KCNU1: variants seen among roughly 807,000 people sequenced by gnomAD.
KCNU1 encodes potassium calcium-activated channel subfamily U member 1.
KCNU1 carries 93 observed loss-of-function variants against 126.8 expected under a neutral mutation model. The ratio of observed to expected loss-of-function variants is 0.73; its 90% CI spans 0.62 to 0.87. The LOEUF (loss-of-function observed/expected upper bound fraction) is 0.87, where lower values mean the gene tolerates loss of function less well. Ranked by LOEUF, KCNU1 falls within the 40% of genes least tolerant of loss-of-function variation. The probability of loss-of-function intolerance (pLI) is 0.00; values close to 1 mark genes in which losing one functional copy is unlikely to be tolerated. For synonymous variants in KCNU1, 523 were observed against 494.2 expected, an observed-to-expected ratio of 1.06 and a Z score of -0.77; for missense variants, 1,330 against 1,367.1, an observed-to-expected ratio of 0.97 and a Z score of 0.43.
chr8:36,933,103 TG>T, intron 26 of KCNU1, 71 bp downstream of exon 26: 1 of 947,944 alleles, frequency 1.1e-6, no homozygotes, highest in Non-Finnish European at 1.7e-6. Flanking sequence ...TTATTCAATG[TG>T]AAAGAGAATT....
In KCNU1 at chr8:36,911,432, T is replaced by C. The variant is rs1468928268; in HGVS notation, c.2521+313T>C. Among the ~76,000 whole-genome samples, 7 of 152,328 alleles carry C rather than the reference T, an allele frequency of 4.6e-5. 1 individual carries two copies. The East Asian group carries it at 9.6e-4, about 21-fold the overall frequency. On this transcript the variant is annotated intron_variant, in intron 22 of 26. Transcript: ENST00000399881. Reference sequence around the variant, plus strand: ...GTTGTTATGATCAGTGAACATAGCATGTGGTATATTATTTTAATTAATGAG... The same window carrying C: ...GTTGTTATGATCAGTGAACATAGCACGTGGTATATTATTTTAATTAATGAG...
At chr8:36,885,421 G>T (rs1217540982) in intron 19 of KCNU1, among the ~76,000 whole-genome samples, 2 of 152,092 alleles carry the variant, frequency 1.3e-5, no homozygotes, top group African/African-American at 4.8e-5. Context: ...AGGGCATGTT[G>T]GTGGGTGCCC....
chr8:36,791,054 A>T (rs140248799), intron 2 of KCNU1, among the ~76,000 whole-genome samples: 1 of 152,062 alleles, frequency 6.6e-6, no homozygotes, highest in Admixed American at 6.5e-5. Flanking sequence ...GAACGTGAGA[A>T]GGGAACTCCA....
At chr8:36,797,839 G>A (rs959444546) in intron 2 of KCNU1, among the ~76,000 whole-genome samples, 18 of 152,060 alleles carry the variant, frequency 1.2e-4, no homozygotes, top group African/African-American at 4.1e-4. Flanking sequence ...TAGCACTGAG[G>A]GCCACATGCC....
chr8:36,886,159 A>C (rs1422116540), intron 19 of KCNU1, among the ~76,000 whole-genome samples: 1 of 152,214 alleles, frequency 6.6e-6, no homozygotes, highest in Non-Finnish European at 1.5e-5. Context: ...GAAAACCCAA[A>C]GACAACAAAG....
chr8:36,919,099 G>T (rs1399657679), intron 23 of KCNU1, among the ~76,000 whole-genome samples: 1 of 152,122 alleles, frequency 6.6e-6, no homozygotes, highest in African/African-American at 2.4e-5. Context: ...GTTCAGAAAT[G>T]ACATCTGCCT....
chr8:36,835,647 C>T (rs980878070), intron 12 of KCNU1, among the ~76,000 whole-genome samples: 3 of 152,084 alleles, frequency 2.0e-5, no homozygotes, highest in East Asian at 1.9e-4. Flanking sequence ...GCCTGACCAT[C>T]GGCAAGTATT....
intron 24 of KCNU1, 32 bp from the exon 25 acceptor site, chr8:36,930,919 G>A: frequency 6.5e-7 from 1 of 1,540,820 alleles, no homozygotes; most frequent in Non-Finnish European, 8.8e-7. Flanking sequence ...TGGCTCTTCT[G>A]ACTTTGCATG....
At chr8:36,888,632 T>C (rs779071266) in intron 19 of KCNU1, 1 of 534,324 alleles carries the variant, frequency 1.9e-6, no homozygotes, top group Non-Finnish European at 3.8e-6. Context: ...TGGCAGAAAT[T>C]CCTCCTCTGA....
chr8:36,889,574 A>G (rs1806872780), intron 19 of KCNU1, among the ~76,000 whole-genome samples: 1 of 152,186 alleles, frequency 6.6e-6, no homozygotes, highest in African/African-American at 2.4e-5. Context: ...GAAATTTTCC[A>G]AACTGATATA....
chr8:36,794,868 G>A (rs1287686156), intron 2 of KCNU1, among the ~76,000 whole-genome samples: 1 of 152,108 alleles, frequency 6.6e-6, no homozygotes, highest in Non-Finnish European at 1.5e-5. Flanking sequence ...GGCTGAGGCT[G>A]CAGGGAGCTG....
At chr8:36,926,183 TG>T in intron 24 of KCNU1, among the ~76,000 whole-genome samples, 1 of 152,290 alleles carries the variant, frequency 6.6e-6, no homozygotes, top group African/African-American at 2.4e-5. Context: ...GAAGCTTAGC[TG>T]GGTAAATAAT....
intron 2 of KCNU1, among the ~76,000 whole-genome samples, chr8:36,794,079 G>T (rs1219466424): frequency 1.4e-5 from 2 of 146,246 alleles, no homozygotes; most frequent in East Asian, 2.0e-4. Context: ...AAAAAAAAAG[G>T]TCTATATGTT....
intron 15 of KCNU1, 112 bp downstream of exon 15, chr8:36,840,687 G>A (rs150279050): frequency 0.023 from 16,949 of 738,848 alleles, 312 homozygotes; most frequent in South Asian, 0.058. Context: ...GATCTAAGAA[G>A]GGACAGCCCA....
chr8:36,886,715 G>T (rs1404293798), intron 19 of KCNU1, among the ~76,000 whole-genome samples: 3 of 152,106 alleles, frequency 2.0e-5, no homozygotes, highest in African/African-American at 7.2e-5. Flanking sequence ...TTGCATCGTG[G>T]TGAAGTCTGA....
rs141186989 is a variant in KCNU1 at position 36,850,615 on chromosome 8, C to T, written c.1891+4716C>T. Among the ~76,000 whole-genome samples the T allele has an allele frequency of 8.5e-5, 13 of 152,242 alleles. No individual in the cohort carries two copies. In the East Asian group the frequency reaches 2.5e-3, roughly 29 times the overall value. The stretch of plus-strand genomic sequence containing the variant: ...GGGACCACAGGTGCCCACAACTATG[C>T]CCAGCTAATTCCTGCATTTTTTGTA... On this transcript the variant is annotated intron_variant, in intron 18 of 26. Coordinates refer to ENST00000399881, the MANE Select transcript of KCNU1 (RefSeq NM_001031836.3).
chr8:36,890,970 T>A lies in KCNU1; in HGVS notation c.2010-14738T>A, dbSNP rs559784308. On this transcript the variant is annotated intron_variant, in intron 19 of 26. Transcript: ENST00000399881. ...GAATCTAAATTGTGTCTCTTGTAAA[T>A]GAAATACATATTTTATGAATATTAT... Among the ~76,000 whole-genome samples, 627 of 151,908 alleles carry A rather than the reference T, an allele frequency of 4.1e-3. 6 individuals carry two copies. The highest frequency in any genetic ancestry group is 0.014 in the African/African-American group (593 of 41,546).
chr8:36,830,090 G>T, intron 10 of KCNU1, among the ~76,000 whole-genome samples: 1 of 147,524 alleles, frequency 6.8e-6, no homozygotes, highest in Non-Finnish European at 1.5e-5. Context: ...TTTTATCTTT[G>T]TAATAAAATA....
Position 36,823,233 on chromosome 8 carries a change from C to T in KCNU1, c.1106+5473C>T, listed in dbSNP as rs80164132. ...AAACAGTACATGACCATAAGTTACA[C>T]ATCAAAAGTAAAATACTTACCATGA... On this transcript the variant is annotated intron_variant, in intron 10 of 26. Transcript: ENST00000399881. Among the ~76,000 whole-genome samples the T allele has an allele frequency of 4.3e-3, 652 of 152,258 alleles. 7 individuals are homozygous for T. Among genetic ancestry groups the T allele is most frequent in the African/African-American group, 0.015 (615 of 41,540 alleles).
Sources: gnomAD v4.1 joint callset for allele counts (sites outside exome capture counted in the v4.1 genomes callset) on GRCh38, gnomAD v4.1.1 for gene constraint, MANE v1.5 for transcripts, NCBI Gene and HGNC (gene_info 2026-07-23, HGNC 2026-07-21) for gene names.